The following ELMO1 variants were observed in gnomAD, a reference collection of about 807,000 sequenced individuals.
ELMO1 encodes the protein engulfment and cell motility protein 1.
In ELMO1, 26 loss-of-function variants were observed where a neutral mutation model predicts 98.9. The ratio of observed to expected loss-of-function variants is 0.26; its 90% CI spans 0.19 to 0.36. The LOEUF (loss-of-function observed/expected upper bound fraction) is 0.36, where lower values mean the gene tolerates loss of function less well. ELMO1 is among the 10% of genes least tolerant of loss of function. The probability of loss-of-function intolerance (pLI) is 1.00; values close to 1 mark genes in which losing one functional copy is unlikely to be tolerated. For synonymous variants in ELMO1, 346 were observed against 346.0 expected, an observed-to-expected ratio of 1.00 and a Z score of 0.00; for missense variants, 627 against 935.2, an observed-to-expected ratio of 0.67 and a Z score of 4.30.
At chr7:36,935,904 A>C (rs1353372818) in intron 16 of ELMO1, among the ~76,000 whole-genome samples, 1 of 151,684 alleles carries the variant, frequency 6.6e-6, no homozygotes, top group East Asian at 1.9e-4. Context: ...GAAGTGAGCG[A>C]CTCCCTAAAT....
chr7:37,194,011 G>T (rs921358124), intron 13 of ELMO1, among the ~76,000 whole-genome samples: 1 of 152,120 alleles, frequency 6.6e-6, no homozygotes, highest in Admixed American at 6.5e-5. Flanking sequence ...GAAAGCCCTG[G>T]CTCTCCTGGA....
At chr7:36,939,358 AGGGGTTC>A (rs1562840868) in intron 16 of ELMO1, among the ~76,000 whole-genome samples, 2 of 87,404 alleles carry the variant, frequency 2.3e-5, no homozygotes, top group African/African-American at 1.3e-4. Flanking sequence ...TAGTCAGGCT[AGGGGTTC>A]ATGTACTCAT....
chr7:37,169,863 A>C (rs1790030358), intron 13 of ELMO1, among the ~76,000 whole-genome samples: 1 of 152,190 alleles, frequency 6.6e-6, no homozygotes. Context: ...AAAATTCTAG[A>C]AATTATATTT....
At chr7:36,967,088 A>G (rs1395143050) in intron 16 of ELMO1, among the ~76,000 whole-genome samples, 3 of 152,264 alleles carry the variant, frequency 2.0e-5, no homozygotes, top group Non-Finnish European at 4.4e-5. Flanking sequence ...GGAGGACATT[A>G]TAACAAACGC....
At chr7:36,891,471 C>T (rs1442537544) in intron 17 of ELMO1, among the ~76,000 whole-genome samples, 1 of 152,180 alleles carries the variant, frequency 6.6e-6, no homozygotes, top group African/African-American at 2.4e-5. Context: ...TTTTGCTTTT[C>T]TTTCCCATGG....
intron 16 of ELMO1, among the ~76,000 whole-genome samples, chr7:36,960,640 T>G (rs1788864398): frequency 6.6e-6 from 1 of 152,074 alleles, no homozygotes; most frequent in Admixed American, 6.5e-5. Flanking sequence ...TTTATTTTTT[T>G]TCTATGACAC....
intron 14 of ELMO1, among the ~76,000 whole-genome samples, chr7:37,113,091 C>T (rs190048618): frequency 1.2e-4 from 19 of 152,314 alleles, no homozygotes; most frequent in East Asian, 7.7e-4. Context: ...CACTCCAGGA[C>T]GGACAAAGGC....
chr7:36,972,308 G>A (rs931861985), intron 16 of ELMO1, among the ~76,000 whole-genome samples: 9 of 152,124 alleles, frequency 5.9e-5, no homozygotes, highest in African/African-American at 9.7e-5. Flanking sequence ...ATGCCATGTC[G>A]CAATTTCAAA....
chr7:37,306,415 T>G (rs1798615793), intron 4 of ELMO1, among the ~76,000 whole-genome samples: 1 of 152,226 alleles, frequency 6.6e-6, no homozygotes. Flanking sequence ...GACTTCATTC[T>G]CTGTTGGCAA....
At chr7:37,417,660 T>TCACACA (rs34297401) in intron 1 of ELMO1, among the ~76,000 whole-genome samples, 165 of 109,744 alleles carry the variant, frequency 1.5e-3, no homozygotes, top group African/African-American at 4.4e-3. Flanking sequence ...TAAGACTCCG[T>TCACACA]CACACACACA....
chr7:37,433,688 C>T (rs1416777801), intron 1 of ELMO1, among the ~76,000 whole-genome samples: 4 of 152,150 alleles, frequency 2.6e-5, no homozygotes, highest in Admixed American at 1.3e-4. Context: ...AGTACTTGAA[C>T]ACGGGCCCCA....
chr7:37,409,905 C>A (rs1803924605), intron 1 of ELMO1, among the ~76,000 whole-genome samples: 3 of 152,164 alleles, frequency 2.0e-5, no homozygotes, highest in Admixed American at 1.3e-4. Flanking sequence ...CTGGCATGAC[C>A]ATTTTGGACA....
intron 20 of ELMO1, among the ~76,000 whole-genome samples, chr7:36,866,198 A>G (rs2129037108): frequency 6.6e-6 from 1 of 152,340 alleles, no homozygotes; most frequent in East Asian, 1.9e-4. Context: ...GCTTATTTTT[A>G]TAAATTATAG....
At chr7:37,138,932 A>AT (rs1286420852) in intron 13 of ELMO1, among the ~76,000 whole-genome samples, 2 of 152,246 alleles carry the variant, frequency 1.3e-5, no homozygotes, top group Middle Eastern at 3.2e-3. Flanking sequence ...ATATAAGTCA[A>AT]TAAATGTGAT....
intron 1 of ELMO1, chr7:37,343,031 G>A (rs1583590892): frequency 3.8e-6 from 1 of 262,384 alleles, no homozygotes; most frequent in East Asian, 9.9e-5. Context: ...AATCTTCAGT[G>A]GAAAGAAAGC....
chr7:37,368,100 T>C (rs1357782693), intron 1 of ELMO1, among the ~76,000 whole-genome samples: 2 of 152,200 alleles, frequency 1.3e-5, no homozygotes, highest in Non-Finnish European at 2.9e-5. Context: ...CATCAAACTT[T>C]TCCTTTAAAA....
intron 1 of ELMO1, among the ~76,000 whole-genome samples, chr7:37,445,137 G>C (rs925591559): frequency 2.6e-5 from 4 of 152,132 alleles, no homozygotes; most frequent in African/African-American, 9.7e-5. Context: ...TAAACTGCTG[G>C]TCTTGGCCTA....
At chr7:37,081,112 C>T (rs1797845761) in intron 15 of ELMO1, among the ~76,000 whole-genome samples, 1 of 152,060 alleles carries the variant, frequency 6.6e-6, no homozygotes, top group Non-Finnish European at 1.5e-5. Context: ...CTGCTATAGC[C>T]CCAGTGCTAA....
At position 37,034,406 on chromosome 7, in the gene ELMO1, A is replaced by T. The variant is rs947002090; in HGVS notation, c.1301-20971T>A. Among the ~76,000 whole-genome samples, 187 of 152,168 alleles carry T rather than the reference A, an allele frequency of 1.2e-3. 1 individual carries two copies. Among genetic ancestry groups the T allele is most frequent in the Admixed American group, 8.5e-4 (13 of 15,280 alleles). On this transcript the variant is annotated intron_variant, in intron 15 of 21. Coordinates refer to ENST00000310758, the MANE Select transcript of ELMO1 (RefSeq NM_014800.11). ...TGGCCTCTGTAATCATGATTTTTTTAAAAAATTATGTTGTTTAAACCACTC... is the reference window on the plus strand; with the variant it reads ...TGGCCTCTGTAATCATGATTTTTTTTAAAAATTATGTTGTTTAAACCACTC...
Sources: allele counts gnomAD v4.1 joint callset (sites outside exome capture counted in the v4.1 genomes callset), GRCh38; gene constraint gnomAD v4.1.1; transcripts MANE v1.5; gene names NCBI Gene and HGNC (gene_info 2026-07-23, HGNC 2026-07-21).